Variants in ZEB1 observed in about 807,000 individuals in gnomAD.
ZEB1 encodes zinc finger E-box binding homeobox 1.
ZEB1 carries 21 observed loss-of-function variants against 84.9 expected under a neutral mutation model. The ratio of observed to expected loss-of-function variants is 0.25; its 90% CI spans 0.18 to 0.36. The LOEUF is 0.36. Among genes scored for constraint, ZEB1 ranks in the 10% least tolerant of loss-of-function variants. The pLI, the probability that ZEB1 is intolerant of heterozygous loss-of-function variation, is 1.00. For synonymous variants in ZEB1, 420 were observed against 471.1 expected, an observed-to-expected ratio of 0.89 and a Z score of 1.41; for missense variants, 1,104 against 1,330.2, an observed-to-expected ratio of 0.83 and a Z score of 2.65.
chr10:31,474,541 C>T (rs2063779811), intron 2 of ZEB1, among the ~76,000 whole-genome samples: 1 of 152,072 alleles, frequency 6.6e-6, no homozygotes. Flanking sequence ...GAATGGCAAT[C>T]ATTAAAAAGT....
chr10:31,360,548 TTTAA>T (rs1250293652), intron 1 of ZEB1, among the ~76,000 whole-genome samples: 4 of 152,240 alleles, frequency 2.6e-5, no homozygotes, highest in South Asian at 2.1e-4. Context: ...TTAAGATCTC[TTTAA>T]TTATTCAGAA....
At chr10:31,411,449 G>A (rs1420222898) in intron 1 of ZEB1, among the ~76,000 whole-genome samples, 1 of 151,996 alleles carries the variant, frequency 6.6e-6, no homozygotes. Context: ...GGCTAACAAG[G>A]TGAAACCCCG....
rs1381954267 is a variant in ZEB1, at chr10:31,507,916, TACCTTGATACC to T, written c.485-2754_485-2744del. 2.6e-5 allele frequency among the ~76,000 whole-genome samples: 4 copies of T among 152,292 alleles called. No individual in the cohort carries two copies. In the East Asian group the frequency reaches 7.7e-4, roughly 29 times the overall value. On this transcript the variant is annotated intron_variant, in intron 4 of 8. Transcript: ENST00000424869. ...TCCTTTTTCATGTTTCTTGTATTCT[TACCTTGATACC>T]ACACATCTGGTATAATAGTCAATTA...
intron 1 of ZEB1, among the ~76,000 whole-genome samples, chr10:31,347,587 C>T (rs959389767): frequency 2.6e-5 from 4 of 152,154 alleles, no homozygotes; most frequent in Non-Finnish European, 4.4e-5. Flanking sequence ...TGCCTCCTGA[C>T]AGGTCACTAG....
chr10:31,377,186 C>T (rs975533706), intron 1 of ZEB1, among the ~76,000 whole-genome samples: 8 of 150,764 alleles, frequency 5.3e-5, no homozygotes, highest in Non-Finnish European at 8.9e-5. Flanking sequence ...TTCCCATGAC[C>T]ACAATTAGTT....
chr10:31,374,967 A>AGTAT (rs926728674), intron 1 of ZEB1: 1 of 150,570 alleles, frequency 6.6e-6, no homozygotes, highest in Non-Finnish European at 1.5e-5. Context: ...TTTTAAAGGT[A>AGTAT]GTATGATTTT....
chr10:31,438,683 T>A (rs184738639), intron 1 of ZEB1, among the ~76,000 whole-genome samples: 2,493 of 151,938 alleles, frequency 0.016, 65 homozygotes, highest in African/African-American at 0.057. Flanking sequence ...AAAAAAAAAA[T>A]TTTCTTTAAA....
At chr10:31,386,286 A>G (rs1166021187) in intron 1 of ZEB1, among the ~76,000 whole-genome samples, 2 of 151,760 alleles carry the variant, frequency 1.3e-5, no homozygotes, top group Non-Finnish European at 2.9e-5. Flanking sequence ...TGATTTATTT[A>G]TAGTATTTTT....
At chr10:31,364,949 C>T (rs1300037426) in intron 1 of ZEB1, among the ~76,000 whole-genome samples, 2 of 152,200 alleles carry the variant, frequency 1.3e-5, no homozygotes, top group Non-Finnish European at 2.9e-5. Context: ...GGGCTCCAGT[C>T]CTCTACAAAG....
At chr10:31,512,850 G>T (rs1449923262) in intron 5 of ZEB1, among the ~76,000 whole-genome samples, 2 of 152,108 alleles carry the variant, frequency 1.3e-5, no homozygotes. Flanking sequence ...GCCAGTCATG[G>T]AATATTGGAG....
At chr10:31,325,967 GTTTTTT>G (rs61269264) in intron 1 of ZEB1, among the ~76,000 whole-genome samples, 5 of 124,878 alleles carry the variant, frequency 4.0e-5, no homozygotes, top group Admixed American at 2.4e-4. Flanking sequence ...TTGGTTTTGG[GTTTTTT>G]TTTTTTTTTT....
intron 1 of ZEB1, among the ~76,000 whole-genome samples, chr10:31,320,920 C>T (rs1293010946): frequency 6.6e-6 from 1 of 152,190 alleles, no homozygotes; most frequent in Non-Finnish European, 1.5e-5. Flanking sequence ...GGCCCTGCCG[C>T]CGGCCGCAGC....
At chr10:31,321,396 C>G in intron 1 of ZEB1, 1 of 1,586,868 alleles carries the variant, frequency 6.3e-7, no homozygotes, top group Admixed American at 1.8e-5. Context: ...TTTTGGTATT[C>G]TCATTGTGGA....
chr10:31,354,282 T>A (rs976149841), intron 1 of ZEB1, among the ~76,000 whole-genome samples: 6 of 152,194 alleles, frequency 3.9e-5, no homozygotes, highest in Non-Finnish European at 7.4e-5. Flanking sequence ...AAGCACTTTT[T>A]TTGTACTTAG....
chr10:31,527,189 T>C lies in ZEB1; in HGVS notation c.3303T>C (p.Ser1101=), dbSNP rs34256798. The change falls in exon 9 of 9, where the codon AGT becomes AGC. Residue 1101 remains serine (S), a synonymous_variant. Coordinates refer to ENST00000424869, the MANE Select transcript of ZEB1 (RefSeq NM_001174096.2). ...EGLMKDDRAE[S]QASSLGQKVG... Reference sequence around the variant, plus strand: ...TGATGAAGGATGACAGGGCTGAAAGTCAAGCAAGCAGCTTAGGACAAAAAG... The same window carrying C: ...TGATGAAGGATGACAGGGCTGAAAGCCAAGCAAGCAGCTTAGGACAAAAAG... 4.3e-6 allele frequency: 7 copies of C among 1,611,534 alleles called. No homozygotes were observed. In the South Asian group the frequency reaches 6.6e-5, roughly 15 times the overall value.
intron 1 of ZEB1, among the ~76,000 whole-genome samples, chr10:31,432,465 T>C (rs2057825494): frequency 6.6e-6 from 1 of 152,118 alleles, no homozygotes; most frequent in Admixed American, 6.5e-5. Flanking sequence ...ACTGTGTGCC[T>C]GTGGTCCCAG....
At chr10:31,497,637 C>A (rs1428060474) in intron 3 of ZEB1, among the ~76,000 whole-genome samples, 1 of 152,078 alleles carries the variant, frequency 6.6e-6, no homozygotes, top group Non-Finnish European at 1.5e-5. Context: ...TCCTTGACTT[C>A]TAGGGAATAA....
intron 1 of ZEB1, among the ~76,000 whole-genome samples, chr10:31,436,478 C>A (rs2058309765): frequency 6.6e-6 from 1 of 151,956 alleles, no homozygotes. Flanking sequence ...GTAACCTGTT[C>A]AGAGCATGTC....
chr10:31,503,682 A>G (rs969516713), intron 4 of ZEB1, among the ~76,000 whole-genome samples: 3 of 151,970 alleles, frequency 2.0e-5, no homozygotes, highest in African/African-American at 7.2e-5. Flanking sequence ...TTTCATTCCC[A>G]CCAAGAATGT....
Sources: gnomAD v4.1 joint callset for allele counts (sites outside exome capture counted in the v4.1 genomes callset) on GRCh38, gnomAD v4.1.1 for gene constraint, MANE v1.5 for transcripts, NCBI Gene and HGNC (gene_info 2026-07-23, HGNC 2026-07-21) for gene names.